The following ATAD2 variants were observed in gnomAD, a reference collection of about 807,000 sequenced individuals.
The protein encoded by ATAD2 is ATPase family AAA domain-containing protein 2.
ATAD2 carries 62 observed loss-of-function variants against 168.9 expected under a neutral mutation model. The observed-to-expected ratio is 0.37, with a 90% CI of 0.30 to 0.45. The LOEUF (loss-of-function observed/expected upper bound fraction) is 0.45, where lower values mean the gene tolerates loss of function less well. ATAD2 is among the 20% of genes least tolerant of loss of function. ATAD2 has a pLI of 1.00. For synonymous variants in ATAD2, 613 were observed against 571.6 expected, an observed-to-expected ratio of 1.07 and a Z score of -1.03; for missense variants, 1,419 against 1,667.8, an observed-to-expected ratio of 0.85 and a Z score of 2.60.
chr8:123,401,008 A>C (rs1273104323), upstream of ATAD2: 6 of 1,508,698 alleles, frequency 4.0e-6, no homozygotes, highest in African/African-American at 2.7e-5. Flanking sequence ...TATCCCCATC[A>C]CTGAGACAGG....
At chr8:123,322,139 C>G (rs762262932) in intron 27 of ATAD2, among the ~76,000 whole-genome samples, 1 of 152,022 alleles carries the variant, frequency 6.6e-6, no homozygotes. Context: ...GGGTGCACAC[C>G]ACCACATCTG....
At chr8:123,390,292 A>C (rs893074327) in intron 1 of ATAD2, among the ~76,000 whole-genome samples, 3 of 151,962 alleles carry the variant, frequency 2.0e-5, no homozygotes, top group African/African-American at 7.2e-5. Flanking sequence ...CTACCATTAT[A>C]ATCTTTTAAC....
chr8:123,388,007 C>CAACTATAGTGA (rs1829694208), intron 1 of ATAD2, among the ~76,000 whole-genome samples: 1 of 152,150 alleles, frequency 6.6e-6, no homozygotes, highest in African/African-American at 2.4e-5. Flanking sequence ...TGTTATATCA[C>CAACTATAGTGA]TATAGTTGTG....
chr8:123,339,772 A>C (rs1480999207), intron 19 of ATAD2, among the ~76,000 whole-genome samples: 1 of 152,244 alleles, frequency 6.6e-6, no homozygotes, highest in Non-Finnish European at 1.5e-5. Context: ...GTCTTTAAAG[A>C]ATGTTAGATT....
chr8:123,352,782 G>C (rs1799133585), intron 13 of ATAD2: 1 of 151,662 alleles, frequency 6.6e-6, no homozygotes, highest in South Asian at 2.1e-4. Context: ...AACTGATGGT[G>C]GCTGGGCATG....
chr8:123,375,131 T>C (rs73705909), intron 2 of ATAD2, among the ~76,000 whole-genome samples: 175 of 152,348 alleles, frequency 1.1e-3, no homozygotes, highest in African/African-American at 4.0e-3. Context: ...GGCTCTTTTA[T>C]ATAAGCCTTA....
intron 1 of ATAD2, among the ~76,000 whole-genome samples, chr8:123,385,021 T>C (rs1283710800): frequency 6.6e-6 from 1 of 152,238 alleles, no homozygotes; most frequent in East Asian, 1.9e-4. Context: ...TGTTTATATT[T>C]TAATTGTATA....
chr8:123,399,033 T>C (rs56029347), upstream of ATAD2, among the ~76,000 whole-genome samples: 55,388 of 151,862 alleles, frequency 0.36, 10,803 homozygotes, highest in East Asian at 0.51. Flanking sequence ...GAGGCCGAGG[T>C]GGGCAGATCA....
intron 9 of ATAD2, among the ~76,000 whole-genome samples, chr8:123,360,658 C>T (rs1191167896): frequency 2.0e-5 from 3 of 151,776 alleles, no homozygotes; most frequent in South Asian, 4.2e-4. Context: ...GTCAGGAGTT[C>T]GAGACCAGCC....
chr8:123,396,490 A>G (rs1812841395), upstream of ATAD2: 4 of 940,316 alleles, frequency 4.3e-6, no homozygotes, highest in Admixed American at 1.2e-4. Flanking sequence ...GCGCGCGCCC[A>G]GAATCCCTCC....
chr8:123,322,668 C>T (rs1554640808), intron 27 of ATAD2, among the ~76,000 whole-genome samples: 1 of 151,714 alleles, frequency 6.6e-6, no homozygotes, highest in Non-Finnish European at 1.5e-5. Context: ...GACCCTGTCT[C>T]TAAATAAATA....
intron 11 of ATAD2, among the ~76,000 whole-genome samples, chr8:123,358,194 A>G (rs768566349): frequency 1.1e-4 from 17 of 152,162 alleles, no homozygotes; most frequent in Non-Finnish European, 4.4e-5. Context: ...TTTCTGACTT[A>G]TTTTTAAAGA....
At chr8:123,379,893 T>TTA (rs1233823909) in intron 2 of ATAD2, among the ~76,000 whole-genome samples, 1,924 of 126,662 alleles carry the variant, frequency 0.015, 16 homozygotes, top group African/African-American at 0.022. Flanking sequence ...TATTATTATT[T>TTA]TTTTTTTTTT....
intron 13 of ATAD2, among the ~76,000 whole-genome samples, chr8:123,350,101 A>G (rs1256092267): frequency 2.6e-5 from 4 of 152,142 alleles, no homozygotes; most frequent in African/African-American, 9.7e-5. Flanking sequence ...TAAAATTTCC[A>G]CTGTATATAC....
chr8:123,362,362 T>C (rs1025979493), intron 8 of ATAD2, among the ~76,000 whole-genome samples: 2 of 151,258 alleles, frequency 1.3e-5, no homozygotes, highest in African/African-American at 4.9e-5. Context: ...TATTACACTA[T>C]ACATAATATT....
At chr8:123,382,832 A>G (rs938560968) in intron 1 of ATAD2, among the ~76,000 whole-genome samples, 13 of 152,194 alleles carry the variant, frequency 8.5e-5, no homozygotes, top group Admixed American at 3.3e-4. Flanking sequence ...TGACCCAGCA[A>G]TCCCATTATT....
In ATAD2 at chr8:123,396,298, G is replaced by A. The variant is rs925850943; in HGVS notation, c.60C>T (p.Gly20=). The A allele has an allele frequency of 2.5e-6, 4 of 1,610,524 alleles. No individual in the cohort carries two copies. Among genetic ancestry groups the A allele is most frequent in the Non-Finnish European group, 3.4e-6 (4 of 1,179,028 alleles). ...LHNHSAASAT[G]SLDLSSDFLS... The stretch of plus-strand genomic sequence containing the variant: ...GGAAGTCACTGGACAGGTCCAAGGA[G>A]CCCGTGGCCGAGGCCGCGGAGTGGT... The change falls in exon 1 of 28, where the codon GGC becomes GGT. Residue 20 remains glycine (G), a synonymous_variant. Coordinates refer to ENST00000287394, the MANE Select transcript of ATAD2 (RefSeq NM_014109.4).
In ATAD2 at chr8:123,369,939, A is replaced by ATCATCGTCATCATCATCATCATCT; in HGVS notation, c.789_812dup (p.Glu263_Asp270dup). ...CATCTTCATCATCATCATCATCATC[A>ATCATCGTCATCATCATCATCATCT]TCATCGTCATCATCATCATCATCTT... On this transcript the variant is annotated inframe_insertion, in exon 7 of 28. Coordinates refer to ENST00000287394, the MANE Select transcript of ATAD2 (RefSeq NM_014109.4). 2 of 1,568,900 alleles carry ATCATCGTCATCATCATCATCATCT rather than the reference A, an allele frequency of 1.3e-6. No homozygotes were observed. The highest frequency in any genetic ancestry group is 2.7e-5 in the African/African-American group (2 of 73,084).
At chr8:123,341,292 G>A (rs1405495250) in intron 19 of ATAD2, among the ~76,000 whole-genome samples, 2 of 152,068 alleles carry the variant, frequency 1.3e-5, no homozygotes, top group African/African-American at 2.4e-5. Context: ...CCACATTCTC[G>A]AAAAAGTTTC....
Sources: gnomAD v4.1 joint callset for allele counts (sites outside exome capture counted in the v4.1 genomes callset) on GRCh38, gnomAD v4.1.1 for gene constraint, MANE v1.5 for transcripts, NCBI Gene and HGNC (gene_info 2026-07-23, HGNC 2026-07-21) for gene names.